Variants in MSI2 observed in about 807,000 individuals in gnomAD.
MSI2 encodes the protein RNA-binding protein Musashi homolog 2.
In MSI2, 17 loss-of-function variants were observed where a neutral mutation model predicts 45.6. The ratio of observed to expected loss-of-function variants is 0.37; its 90% confidence interval spans 0.26 to 0.56. The LOEUF (loss-of-function observed/expected upper bound fraction) is 0.56, where lower values mean the gene tolerates loss of function less well. Among genes scored for constraint, MSI2 ranks in the 20% least tolerant of loss-of-function variants. The pLI, the probability that MSI2 is intolerant of heterozygous loss-of-function variation, is 0.77. For missense variants in MSI2, 293 were observed against 444.2 expected, an observed-to-expected ratio of 0.66 and a Z score of 3.06; for synonymous variants, 156 against 158.2, an observed-to-expected ratio of 0.99 and a Z score of 0.11.
chr17:57,611,349 C>T lies in MSI2; in HGVS notation c.538-4621C>T, dbSNP rs1352674048. Among the ~76,000 whole-genome samples, 58 of 95,906 alleles carry T rather than the reference C, an allele frequency of 6.0e-4. 18 individuals carry two copies. The highest frequency in any genetic ancestry group is 5.9e-3 in the Admixed American group (57 of 9,668). The allele number at this position is 95,906 out of a possible 152,430, so 62.9% of individuals were successfully genotyped here. ...TGGGGCTACAGTGGGAAGGGAGCCC[C>T]CGTGCCCTGCCCTCTGCCCTGTGGT... On this transcript the variant is annotated intron_variant, in intron 8 of 13. Coordinates refer to ENST00000284073, the MANE Select transcript of MSI2 (RefSeq NM_138962.4).
intron 7 of MSI2, among the ~76,000 whole-genome samples, chr17:57,537,542 T>A (rs368267974): frequency 5.4e-4 from 82 of 152,360 alleles, no homozygotes; most frequent in African/African-American, 1.8e-3. Context: ...AATGTGAATT[T>A]GAAAACATGT....
intron 7 of MSI2, among the ~76,000 whole-genome samples, chr17:57,593,000 A>G (rs1224600048): frequency 6.6e-6 from 1 of 152,138 alleles, no homozygotes; most frequent in Non-Finnish European, 1.5e-5. Context: ...TCTGGCCTGT[A>G]TTCTAGGATC....
intron 6 of MSI2, among the ~76,000 whole-genome samples, chr17:57,434,421 T>C (rs947537615): frequency 5.9e-5 from 9 of 152,158 alleles, no homozygotes; most frequent in Non-Finnish European, 1.0e-4. Context: ...TTTTGAAATA[T>C]ACATTACCTT....
chr17:57,634,910 T>C (rs948882617), intron 10 of MSI2, among the ~76,000 whole-genome samples: 2 of 152,354 alleles, frequency 1.3e-5, no homozygotes, highest in South Asian at 2.1e-4. Context: ...CCTTTAGTAA[T>C]GCTTCCTATA....
chr17:57,287,130 TG>T (rs527907222), intron 5 of MSI2, among the ~76,000 whole-genome samples: 169 of 150,576 alleles, frequency 1.1e-3, no homozygotes, highest in African/African-American at 3.5e-3. Flanking sequence ...CTCAAAAAGT[TG>T]TTTTTTTTTT....
intron 6 of MSI2, among the ~76,000 whole-genome samples, chr17:57,477,144 T>TGG (rs1355252916): frequency 9.8e-6 from 1 of 101,540 alleles, no homozygotes; most frequent in Non-Finnish European, 2.0e-5. Flanking sequence ...CCATAAGGCC[T>TGG]GGTGTGTGTG....
At chr17:57,493,028 G>A (rs1210487068) in intron 6 of MSI2, among the ~76,000 whole-genome samples, 1 of 152,164 alleles carries the variant, frequency 6.6e-6, no homozygotes, top group Non-Finnish European at 1.5e-5. Flanking sequence ...GAAGCCCACT[G>A]TAAACTCTGT....
intron 5 of MSI2, chr17:57,262,499 A>G (rs1907409863): frequency 3.3e-6 from 1 of 302,932 alleles, no homozygotes; most frequent in Non-Finnish European, 6.1e-6. Flanking sequence ...TTCCAATATC[A>G]TATCAGGAAA....
At chr17:57,493,505 C>A (rs1426393088) in intron 6 of MSI2, among the ~76,000 whole-genome samples, 1 of 151,838 alleles carries the variant, frequency 6.6e-6, no homozygotes, top group East Asian at 1.9e-4. Flanking sequence ...ATGGGGTAGT[C>A]CTTGCCCAGT....
intron 9 of MSI2, among the ~76,000 whole-genome samples, chr17:57,617,302 G>A (rs1208582875): frequency 6.6e-6 from 1 of 152,188 alleles, no homozygotes; most frequent in Non-Finnish European, 1.5e-5. Flanking sequence ...TTGGCCAGAT[G>A]TTTCTAAAAC....
intron 10 of MSI2, among the ~76,000 whole-genome samples, chr17:57,647,015 G>A (rs1390081991): frequency 1.3e-5 from 2 of 152,080 alleles, no homozygotes; most frequent in Non-Finnish European, 2.9e-5. Context: ...TGACCCCTTG[G>A]CCCACTTGTC....
intron 7 of MSI2, among the ~76,000 whole-genome samples, chr17:57,559,476 GGCA>G (rs1195030138): frequency 1.3e-5 from 2 of 152,194 alleles, no homozygotes; most frequent in African/African-American, 2.4e-5. Context: ...TGTGGTTCTT[GGCA>G]GAAGATGACA....
chr17:57,439,363 T>A (rs12949540), intron 6 of MSI2, among the ~76,000 whole-genome samples: 33,474 of 152,046 alleles, frequency 0.22, 4,044 homozygotes, highest in South Asian at 0.3. Context: ...CCTCACCTGA[T>A]TTAGAGGACG....
At chr17:57,331,171 C>G (rs1181368870) in intron 5 of MSI2, among the ~76,000 whole-genome samples, 2 of 152,150 alleles carry the variant, frequency 1.3e-5, no homozygotes, top group African/African-American at 4.8e-5. Context: ...GCCTCGGCCT[C>G]CGAAAGTGCT....
At chr17:57,396,195 C>T (rs149276214) in intron 5 of MSI2, among the ~76,000 whole-genome samples, 6 of 152,252 alleles carry the variant, frequency 3.9e-5, no homozygotes, top group African/African-American at 1.4e-4. Context: ...GAGCCATTTC[C>T]TGCCTTTTCA....
chr17:57,273,020 A>G (rs1163570116), intron 5 of MSI2, among the ~76,000 whole-genome samples: 2 of 152,204 alleles, frequency 1.3e-5, no homozygotes, highest in Non-Finnish European at 2.9e-5. Context: ...CAGATATACT[A>G]CTTAATAAAA....
downstream of MSI2, among the ~76,000 whole-genome samples, chr17:57,689,427 T>G (rs1913941416): frequency 6.6e-6 from 1 of 152,172 alleles, no homozygotes; most frequent in Non-Finnish European, 1.5e-5. Context: ...GGGACAGTGA[T>G]ATCCCTCTGG....
At chr17:57,296,499 C>T (rs987718182) in intron 5 of MSI2, among the ~76,000 whole-genome samples, 2 of 152,094 alleles carry the variant, frequency 1.3e-5, no homozygotes, top group Non-Finnish European at 2.9e-5. Flanking sequence ...GCCAGAAGAT[C>T]GTGTCAAAGA....
intron 5 of MSI2, among the ~76,000 whole-genome samples, chr17:57,347,746 G>A (rs1178223684): frequency 6.6e-6 from 1 of 152,182 alleles, no homozygotes; most frequent in Non-Finnish European, 1.5e-5. Context: ...CACAATACCT[G>A]CTTCCGTGGA....
Sources: allele counts gnomAD v4.1 joint callset (sites outside exome capture counted in the v4.1 genomes callset), GRCh38; gene constraint gnomAD v4.1.1; transcripts MANE v1.5; gene names NCBI Gene and HGNC (gene_info 2026-07-23, HGNC 2026-07-21).